FBXO30: variants seen among roughly 807,000 people sequenced by gnomAD.
FBXO30 encodes the protein F-box protein 30, also known as F-box only protein 30.
In FBXO30, 21 loss-of-function variants were observed where a neutral mutation model predicts 58.1. The observed-to-expected ratio is 0.36, with a 90% CI of 0.26 to 0.52. The LOEUF (loss-of-function observed/expected upper bound fraction) is 0.52, where lower values mean the gene tolerates loss of function less well. Ranked by LOEUF, FBXO30 falls within the 20% of genes least tolerant of loss-of-function variation. FBXO30 has a pLI of 0.93. For synonymous variants in FBXO30, 309 were observed against 312.4 expected, an observed-to-expected ratio of 0.99 and a Z score of 0.11; for missense variants, 744 against 897.3, an observed-to-expected ratio of 0.83 and a Z score of 2.18.
chr6:145,800,402 TA>T, intron 2 of FBXO30, 93 bp from the exon 3 acceptor site: 1 of 948,876 alleles, frequency 1.1e-6, no homozygotes, highest in Non-Finnish European at 1.6e-6. Flanking sequence ...TCTGCTATTA[TA>T]GAAGCATCCA....
At position 145,805,141 on chromosome 6, in the gene FBXO30, C is replaced by T. The variant is rs1389497860; in HGVS notation, c.1265G>A (p.Gly422Glu). The change falls in exon 2 of 3, where the codon GGA becomes GAA. Residue 422 changes from glycine (G) to glutamate (E), a missense_variant. Transcript: ENST00000237281. ...CAATGCTGCTGTGATCAGATCTATT[C>T]CTTGGAGGCCCATAGGATCTTCTGC... ...EVAEDPMGLQGIDLITAALLF... is the reference protein window; with the variant it reads ...EVAEDPMGLQEIDLITAALLF... 6.2e-7 allele frequency: 1 copy of T among 1,614,070 alleles called. No individual in the cohort carries two copies. Among genetic ancestry groups the T allele is most frequent in the Non-Finnish European group, 8.5e-7 (1 of 1,179,970 alleles).
rs751675890 is a variant in FBXO30, at chr6:145,797,317, A to G, written c.*2789T>C. 9.9e-5 allele frequency: 15 copies of G among 152,082 alleles called. No homozygotes were observed. Among genetic ancestry groups the G allele is most frequent in the Non-Finnish European group, 1.8e-4 (12 of 67,956 alleles). 9.4% of individuals were successfully genotyped at this position (152,082 alleles called of 1,614,324 possible). ...TGGCTGTAAAATTGAGACAACATAT[A>G]TAGTTTAACCATTAATAAATTACCA... On this transcript the variant is annotated 3_prime_UTR_variant, in exon 3 of 3. Coordinates refer to ENST00000237281, the MANE Select transcript of FBXO30 (RefSeq NM_032145.5).
At chr6:145,814,359 A>C (rs1583205327) in intron 1 of FBXO30, among the ~76,000 whole-genome samples, 1 of 152,236 alleles carries the variant, frequency 6.6e-6, no homozygotes, top group East Asian at 1.9e-4. Flanking sequence ...CTGGCCCGGC[A>C]TGCGGCCCGG....
chr6:145,812,016 G>C (rs1485967015), intron 1 of FBXO30: 1 of 152,110 alleles, frequency 6.6e-6, no homozygotes, highest in Non-Finnish European at 1.5e-5. Flanking sequence ...TGTTTAAAAA[G>C]AGGTGGGGTT....
intron 2 of FBXO30, among the ~76,000 whole-genome samples, chr6:145,804,013 T>C (rs952715729): frequency 1.3e-5 from 2 of 152,270 alleles, no homozygotes; most frequent in South Asian, 2.1e-4. Flanking sequence ...AAAACCCTCT[T>C]CTTGCTTCCT....
In FBXO30 at chr6:145,801,275, G is replaced by A. The variant is rs12193807; in HGVS notation, c.2035-966C>T. Among the ~76,000 whole-genome samples, 708 of 152,206 alleles carry A rather than the reference G, an allele frequency of 4.7e-3. 2 individuals carry two copies. The highest frequency in any genetic ancestry group is 7.3e-3 in the Non-Finnish European group (494 of 67,982). ...AACAATTTACACACGTTGAACTGCA[G>A]ATGCTTTAGAACAAGCTTGTCTAAC... On this transcript the variant is annotated intron_variant, in intron 2 of 2. Transcript: ENST00000237281.
At chr6:145,803,602 C>A (rs1006040411) in intron 2 of FBXO30, among the ~76,000 whole-genome samples, 1 of 152,110 alleles carries the variant, frequency 6.6e-6, no homozygotes, top group Non-Finnish European at 1.5e-5. Context: ...GTAATGCCTT[C>A]CAGTTCCTAC....
rs1777843294 is a variant in FBXO30 at position 145,795,051 on chromosome 6, T to C, written c.*5055A>G. On this transcript the variant is annotated 3_prime_UTR_variant, in exon 3 of 3. Transcript: ENST00000237281. ...ACAAATTGTTACTGTTCTTATGTCA[T>C]CAGACTTTAAAACTACTAAATACTA... The C allele has an allele frequency of 6.6e-6, 1 of 151,774 alleles. No homozygotes were observed. The highest frequency in any genetic ancestry group is 2.4e-5 in the African/African-American group (1 of 41,406). 9.4% of individuals were successfully genotyped at this position (151,774 alleles called of 1,614,324 possible).
Position 145,805,689 on chromosome 6 carries a change from A to T in FBXO30, c.717T>A (p.Leu239=), listed in dbSNP as rs1411030357. The change falls in exon 2 of 3, where the codon CTT becomes CTA. Residue 239 remains leucine (L), a synonymous_variant. Coordinates refer to ENST00000237281, the MANE Select transcript of FBXO30 (RefSeq NM_032145.5). ...CTACTGCTCCTATTTCCTCCTCATA[A>T]AGATGATCTTGGTCTTTCAAGTTTT... ...EDQNLKDQDH[L]YEEEIGAVGG... 6.2e-7 allele frequency: 1 copy of T among 1,614,086 alleles called. No homozygotes were observed. Among genetic ancestry groups the T allele is most frequent in the Admixed American group, 1.7e-5 (1 of 60,004 alleles).
intron 1 of FBXO30, among the ~76,000 whole-genome samples, chr6:145,807,028 C>T (rs1454108485): frequency 1.3e-5 from 2 of 152,104 alleles, no homozygotes; most frequent in Non-Finnish European, 2.9e-5. Context: ...AGGAATTTAT[C>T]CAGAAAATAA....
chr6:145,806,135 T>A lies in FBXO30; in HGVS notation c.271A>T (p.Thr91Ser), dbSNP rs761622780. Residue 91 changes from threonine to serine, a missense_variant, in exon 2 of 3, where the codon ACT becomes TCT. Around this residue, in one of 3 missense-constraint regions of FBXO30, gnomAD observed 135 missense variants for 201.6 expected, o/e 0.67. Coordinates refer to ENST00000237281, the MANE Select transcript of FBXO30 (RefSeq NM_032145.5). ...ACTGGCCATCGATTCCATTCCATAG[T>A]ACAGCACACCACACTTGCAGGACAC... ...EMCPASVVCC[T>S]MEWNRWPVSY... 1.1e-5 allele frequency: 18 copies of A among 1,614,122 alleles called. No homozygotes were observed. The highest frequency in any genetic ancestry group is 1.0e-5 in the Non-Finnish European group (12 of 1,180,006).
intron 1 of FBXO30, among the ~76,000 whole-genome samples, chr6:145,806,680 T>C (rs1194782592): frequency 6.6e-6 from 1 of 152,210 alleles, no homozygotes; most frequent in Non-Finnish European, 1.5e-5. Flanking sequence ...ACAATATGCC[T>C]AAAAGGGCAA....
rs1777874189 is a variant in FBXO30, at chr6:145,796,776, A to T, written c.*3330T>A. 6.6e-6 allele frequency: 1 copy of T among 151,936 alleles called. No homozygotes were observed. Among genetic ancestry groups the T allele is most frequent in the African/African-American group, 2.4e-5 (1 of 41,390 alleles). The allele number at this position is 151,936 out of a possible 1,614,324, so 9.4% of individuals were successfully genotyped here. On this transcript the variant is annotated 3_prime_UTR_variant, in exon 3 of 3. Coordinates refer to ENST00000237281, the MANE Select transcript of FBXO30 (RefSeq NM_032145.5). Reference sequence around the variant, plus strand: ...AACTAGTCAAATCTCCACAGGCAAAACTGTTATCGATATAGTAATATAAAC... The same window carrying T: ...AACTAGTCAAATCTCCACAGGCAAATCTGTTATCGATATAGTAATATAAAC...
intron 2 of FBXO30, among the ~76,000 whole-genome samples, chr6:145,801,401 G>GT (rs1777993102): frequency 6.6e-6 from 1 of 151,964 alleles, no homozygotes; most frequent in Non-Finnish European, 1.5e-5. Context: ...GTGTGTGTGT[G>GT]TGTGTATGTG....
At position 145,799,572 on chromosome 6, in the gene FBXO30, T is replaced by A. The variant is rs1777935219; in HGVS notation, c.*534A>T. The A allele has an allele frequency of 6.6e-6, 1 of 152,536 alleles. No homozygotes were observed. 9.4% of individuals were successfully genotyped at this position (152,536 alleles called of 1,614,324 possible). A position where few individuals can be genotyped will look rare whatever the true frequency, so the allele number is the denominator to read the frequency against. On this transcript the variant is annotated 3_prime_UTR_variant, in exon 3 of 3. Transcript: ENST00000237281. ...AAACTGCATTACCAAACTTTATGAT[T>A]TTACGTATGTAAGTATATATTAGAG...
chr6:145,801,441 CA>C (rs1165436257), intron 2 of FBXO30, among the ~76,000 whole-genome samples: 1 of 151,582 alleles, frequency 6.6e-6, no homozygotes, highest in Non-Finnish European at 1.5e-5. Context: ...TTTAGCTCAT[CA>C]GTTATCGTTA....
At chr6:145,803,020 T>C (rs1336974689) in intron 2 of FBXO30, among the ~76,000 whole-genome samples, 1 of 152,000 alleles carries the variant, frequency 6.6e-6, no homozygotes, top group African/African-American at 2.4e-5. Context: ...GATAATCAAG[T>C]GGAAATGTCC....
At position 145,805,458 on chromosome 6, in the gene FBXO30, G is replaced by A; in HGVS notation, c.948C>T (p.Asp316=). The A allele has an allele frequency of 6.2e-7, 1 of 1,610,972 alleles. No individual in the cohort carries two copies. The highest frequency in any genetic ancestry group is 1.1e-5 in the South Asian group (1 of 90,696). ...AAGTGCCATCTGATGATGCCACACA[G>A]TCTCCATTTGTTAAGTTACTTTGTT... The part of the protein sequence containing the change: ...DSKQSNLTNG[D]CVASSDGTSK... Residue 316 remains aspartate (D), a synonymous_variant, in exon 2 of 3, where the codon GAC becomes GAT. Transcript: ENST00000237281.
rs6914746 is a variant in FBXO30 at position 145,805,893 on chromosome 6, T to G, written c.513A>C (p.Leu171Phe). The change falls in exon 2 of 3, where the codon TTA becomes TTC. Residue 171 changes from leucine (L) to phenylalanine (F), a missense_variant. Leu to Phe is a conservative substitution (Grantham distance 22). Transcript: ENST00000237281. ...CATAAGATTCTTCATCAACAGACAC[T>G]AAACCATTAGCATGTGGTATTTCTG... Reference protein sequence around the residue: ...SVPEIPHANGLVSVDEESYGA... With the variant: ...SVPEIPHANGFVSVDEESYGA... 1 of 1,613,936 alleles carries G rather than the reference T, an allele frequency of 6.2e-7. No homozygotes were observed.
Sources: gnomAD v4.1 joint callset for allele counts (sites outside exome capture counted in the v4.1 genomes callset) on GRCh38, gnomAD v4.1.1 for gene constraint, gnomAD v4.1.1 regional missense constraint, MANE v1.5 for transcripts, NCBI Gene and HGNC (gene_info 2026-07-23, HGNC 2026-07-21) for gene names.